The following MTUS1 variants were observed in gnomAD, a reference collection of about 807,000 sequenced individuals.
MTUS1 encodes microtubule-associated tumor suppressor 1.
Under a neutral mutation model 120.8 loss-of-function variants are expected in MTUS1, and 109 were observed. That is an observed-to-expected ratio of 0.90 (90% confidence interval 0.77 to 1.06). The LOEUF (loss-of-function observed/expected upper bound fraction) is 1.06. Among genes scored for constraint, MTUS1 ranks in the 50% least tolerant of loss-of-function variants. The probability of loss-of-function intolerance (pLI) is 0.00; values close to 1 mark genes in which losing one functional copy is unlikely to be tolerated. For missense variants in MTUS1, 2,210 were observed against 1,486.3 expected, an observed-to-expected ratio of 1.49 and a Z score of -8.01; for synonymous variants, 737 against 550.5, an observed-to-expected ratio of 1.34 and a Z score of -4.74.
chr8:17,798,003 C>T (rs1369116120), intron 1 of MTUS1, among the ~76,000 whole-genome samples: 1 of 152,100 alleles, frequency 6.6e-6, no homozygotes, highest in Non-Finnish European at 1.5e-5. Flanking sequence ...ACTACGTATG[C>T]AGTACATTTG....
chr8:17,693,435 T>C (rs779823405), intron 6 of MTUS1: 3 of 152,226 alleles, frequency 2.0e-5, no homozygotes, highest in Admixed American at 2.0e-4. Context: ...CCAGTAATAA[T>C]ATATCAGAGT....
intron 1 of MTUS1, among the ~76,000 whole-genome samples, chr8:17,795,990 G>A (rs1280978372): frequency 7.1e-6 from 1 of 141,706 alleles, no homozygotes; most frequent in Non-Finnish European, 1.5e-5. Context: ...CACTCTGTTG[G>A]CCAGGCTGGA....
chr8:17,686,411 G>A (rs1313863168), intron 6 of MTUS1, among the ~76,000 whole-genome samples: 1 of 152,080 alleles, frequency 6.6e-6, no homozygotes, highest in East Asian at 1.9e-4. Flanking sequence ...AAACATCTAT[G>A]TGTTATATAA....
intron 1 of MTUS1, among the ~76,000 whole-genome samples, chr8:17,783,855 C>G (rs17125430): frequency 0.27 from 41,468 of 152,036 alleles, 7,303 homozygotes; most frequent in African/African-American, 0.48. Context: ...ACAAATACCA[C>G]TGACAGTGGC....
At chr8:17,798,321 A>G (rs1214745068) in intron 1 of MTUS1, among the ~76,000 whole-genome samples, 1 of 151,946 alleles carries the variant, frequency 6.6e-6, no homozygotes, top group Non-Finnish European at 1.5e-5. Flanking sequence ...AAAAGATTCT[A>G]ATTTAGAATT....
intron 6 of MTUS1, among the ~76,000 whole-genome samples, chr8:17,712,821 A>G (rs1485211056): frequency 2.9e-5 from 4 of 140,162 alleles, no homozygotes; most frequent in Non-Finnish European, 6.0e-5. Context: ...TGAAAGTGTG[A>G]AAAAAAAAAC....
In MTUS1 at chr8:17,760,651, T is replaced by G. The variant is rs952077368; in HGVS notation, c.-154-4690A>C. The stretch of plus-strand genomic sequence containing the variant: ...GCTTGCACCACTTGCTCGACATATA[T>G]ATTCTTTGCCTTCATCTCACCTGAC... On this transcript the variant is annotated intron_variant, in intron 1 of 14. Coordinates refer to ENST00000693296, the MANE Select transcript of MTUS1 (RefSeq NM_001363059.2). Among the ~76,000 whole-genome samples, 3 of 152,196 alleles carry G rather than the reference T, an allele frequency of 2.0e-5. No individual in the cohort carries two copies. In the East Asian group the frequency reaches 5.8e-4, roughly 29 times the overall value.
intron 4 of MTUS1, chr8:17,722,650 C>A (rs2045927507): frequency 1.3e-6 from 1 of 796,174 alleles, no homozygotes; most frequent in African/African-American, 1.9e-5. Flanking sequence ...AATGCCTTCT[C>A]TACAAAAAAT....
At chr8:17,708,745 G>C (rs1308129563) in intron 6 of MTUS1, 2 of 152,190 alleles carry the variant, frequency 1.3e-5, no homozygotes, top group African/African-American at 2.4e-5. Flanking sequence ...AAAGGCTTTA[G>C]TAACCACATA....
At chr8:17,716,781 C>T (rs895863356) in intron 4 of MTUS1, among the ~76,000 whole-genome samples, 13 of 152,284 alleles carry the variant, frequency 8.5e-5, no homozygotes, top group African/African-American at 2.6e-4. Context: ...GTCTCGATCT[C>T]CTGACCTCGT....
intron 6 of MTUS1, among the ~76,000 whole-genome samples, chr8:17,703,784 A>T (rs1477453762): frequency 6.6e-6 from 1 of 152,176 alleles, no homozygotes; most frequent in Non-Finnish European, 1.5e-5. Flanking sequence ...AAAGATATTT[A>T]TCAAGACAAT....
chr8:17,764,450 A>T (rs906183046), intron 1 of MTUS1, among the ~76,000 whole-genome samples: 3 of 152,088 alleles, frequency 2.0e-5, no homozygotes, highest in African/African-American at 7.2e-5. Flanking sequence ...TTTATGAAAG[A>T]AAACCCATTA....
chr8:17,788,349 A>AT (rs903403106), intron 1 of MTUS1, among the ~76,000 whole-genome samples: 5 of 152,080 alleles, frequency 3.3e-5, no homozygotes, highest in African/African-American at 1.2e-4. Flanking sequence ...GAATCTACAG[A>AT]TTTTTTCCGC....
chr8:17,745,542 C>T (rs1450543298), intron 2 of MTUS1, among the ~76,000 whole-genome samples: 2 of 152,164 alleles, frequency 1.3e-5, no homozygotes, highest in African/African-American at 2.4e-5. Flanking sequence ...ATTCAATTTT[C>T]ATTTTTACTA....
intron 1 of MTUS1, among the ~76,000 whole-genome samples, chr8:17,784,624 A>G (rs966426292): frequency 6.6e-6 from 1 of 151,888 alleles, no homozygotes; most frequent in Non-Finnish European, 1.5e-5. Context: ...TCCCTGTGTA[A>G]TTTTTACGAT....
At chr8:17,741,845 AG>A (rs945776291) in intron 3 of MTUS1, among the ~76,000 whole-genome samples, 2 of 152,198 alleles carry the variant, frequency 1.3e-5, no homozygotes, top group African/African-American at 4.8e-5. Flanking sequence ...AAAAGCTGAC[AG>A]GGTCTTAGAT....
At chr8:17,650,017 CAGAA>C (rs1806649840) in intron 12 of MTUS1, 55 bp from the exon 13 acceptor site, 20 of 920,684 alleles carry the variant, frequency 2.2e-5, no homozygotes, top group South Asian at 2.2e-4. Flanking sequence ...AAATTCTTAA[CAGAA>C]AGAATCTTTG....
At position 17,653,044 on chromosome 8, in the gene MTUS1, T is replaced by C. The variant is rs1053244937; in HGVS notation, c.3384+142A>G. The C allele has an allele frequency of 1.1e-5, 6 of 567,176 alleles. No individual in the cohort carries two copies. The African/African-American group carries it at 1.2e-4, about 11-fold the overall frequency. 35.1% of individuals were successfully genotyped at this position (567,176 alleles called of 1,614,324 possible). On this transcript the variant is annotated intron_variant, in intron 12 of 14. Transcript: ENST00000693296. Reference sequence around the variant, plus strand: ...ACGCCAGTAAGCAAAGCAGTTGTTTTACACACCTTAGAAAGCACATTGCCA... The same window carrying C: ...ACGCCAGTAAGCAAAGCAGTTGTTTCACACACCTTAGAAAGCACATTGCCA...
chr8:17,650,055 T>C (rs946513689), intron 12 of MTUS1, 93 bp from the exon 13 acceptor site: 16 of 774,776 alleles, frequency 2.1e-5, no homozygotes, highest in South Asian at 8.8e-5. Context: ...ATTAGACAAG[T>C]AGCAAGCGAC....
Sources: allele counts gnomAD v4.1 joint callset (sites outside exome capture counted in the v4.1 genomes callset), GRCh38; gene constraint gnomAD v4.1.1; transcripts MANE v1.5; gene names NCBI Gene and HGNC (gene_info 2026-07-23, HGNC 2026-07-21).